The following CBFA2T3 variants were observed in gnomAD, a reference collection of about 807,000 sequenced individuals.
CBFA2T3 encodes CBFA2/RUNX1 partner transcriptional co-repressor 3, also known as transcriptional corepressor CBFA2T3.
Under a neutral mutation model 58.6 loss-of-function variants are expected in CBFA2T3, and 31 were observed. The observed-to-expected ratio is 0.53, with a 90% CI of 0.40 to 0.71. The LOEUF (loss-of-function observed/expected upper bound fraction) is 0.71, where lower values mean the gene tolerates loss of function less well. Among genes scored for constraint, CBFA2T3 ranks in the 30% least tolerant of loss-of-function variants. The pLI, the probability that CBFA2T3 is intolerant of heterozygous loss-of-function variation, is 0.00. For synonymous variants in CBFA2T3, 531 were observed against 421.9 expected, an observed-to-expected ratio of 1.26 and a Z score of -3.17; for missense variants, 1,076 against 963.1, an observed-to-expected ratio of 1.12 and a Z score of -1.55.
In CBFA2T3 at chr16:88,881,382, G is replaced by A; in HGVS notation, c.1311C>T (p.Arg437=). The A allele has an allele frequency of 1.3e-6, 2 of 1,596,464 alleles. No homozygotes were observed. The highest frequency in any genetic ancestry group is 1.7e-6 in the Non-Finnish European group (2 of 1,173,320). ...TCTTTGTGTCCTCGGCGTCGCTGTA[G>A]CGCCGCGCCCAGTGGTTGAGCTCCT... The part of the protein sequence containing the change: ...DREELNHWAR[R]YSDAEDTKKG... Residue 437 remains arginine (R), a synonymous_variant, in exon 9 of 12, where the codon CGC becomes CGT. Transcript: ENST00000268679.
At chr16:88,966,820 A>T (rs983786485) in intron 1 of CBFA2T3, among the ~76,000 whole-genome samples, 2 of 152,154 alleles carry the variant, frequency 1.3e-5, no homozygotes, top group Non-Finnish European at 2.9e-5. Flanking sequence ...TGGAAGTCGG[A>T]TGCAGCACGC....
intron 4 of CBFA2T3, 79 bp downstream of exon 4, chr16:88,892,165 G>A: frequency 2.0e-6 from 3 of 1,522,228 alleles, no homozygotes; most frequent in African/African-American, 1.4e-5. Flanking sequence ...GCCCATGTAA[G>A]GAGTGGCCGT....
chr16:88,968,756 C>A (rs1044649796), intron 1 of CBFA2T3, among the ~76,000 whole-genome samples: 1 of 152,146 alleles, frequency 6.6e-6, no homozygotes, highest in Admixed American at 6.5e-5. Context: ...CAGTTTGCAC[C>A]GAGCCCCTCC....
chr16:88,890,943 G>A (rs1046382703), intron 5 of CBFA2T3, among the ~76,000 whole-genome samples: 1 of 152,092 alleles, frequency 6.6e-6, no homozygotes, highest in African/African-American at 2.4e-5. Flanking sequence ...TGAACTCCTG[G>A]CCTCAAGCAA....
At chr16:88,923,387 T>C (rs1291189821) in intron 1 of CBFA2T3, among the ~76,000 whole-genome samples, 1 of 152,152 alleles carries the variant, frequency 6.6e-6, no homozygotes, top group Non-Finnish European at 1.5e-5. Context: ...TGCCTTGAGG[T>C]TTCCTGAGCT....
At chr16:88,907,267 G>T (rs1970370191) in intron 1 of CBFA2T3, among the ~76,000 whole-genome samples, 1 of 152,160 alleles carries the variant, frequency 6.6e-6, no homozygotes, top group African/African-American at 2.4e-5. Flanking sequence ...GCACAAGGGG[G>T]TCCCTGGGGC....
intron 1 of CBFA2T3, among the ~76,000 whole-genome samples, chr16:88,944,671 G>A (rs553515395): frequency 9.8e-5 from 15 of 152,318 alleles, no homozygotes; most frequent in African/African-American, 3.4e-4. Context: ...ACCCAACAGT[G>A]CCCAGCTCAA....
intron 1 of CBFA2T3, among the ~76,000 whole-genome samples, chr16:88,967,118 C>T (rs1004988701): frequency 1.1e-5 from 1 of 89,458 alleles, no homozygotes; most frequent in African/African-American, 3.5e-5. Flanking sequence ...CAACCCCCAA[C>T]CCCCGAGGTG....
intron 1 of CBFA2T3, among the ~76,000 whole-genome samples, chr16:88,974,966 G>T (rs1054286139): frequency 1.3e-5 from 2 of 152,174 alleles, no homozygotes; most frequent in African/African-American, 4.8e-5. Context: ...CCTGGAATAG[G>T]GCCGGGTGGT....
intron 1 of CBFA2T3, among the ~76,000 whole-genome samples, chr16:88,952,144 A>C (rs1223689833): frequency 6.6e-6 from 1 of 151,994 alleles, no homozygotes; most frequent in Non-Finnish European, 1.5e-5. Context: ...GCTCGCTACT[A>C]TGCAGAGACA....
At chr16:88,951,436 C>A (rs1186472414) in intron 1 of CBFA2T3, 1 of 417,196 alleles carries the variant, frequency 2.4e-6, no homozygotes, top group Non-Finnish European at 4.9e-6. Context: ...TTTTCACCTT[C>A]TTTTCTGTTA....
chr16:88,932,902 G>A (rs59099440), intron 1 of CBFA2T3, among the ~76,000 whole-genome samples: 1 of 150,892 alleles, frequency 6.6e-6, no homozygotes, highest in Non-Finnish European at 1.5e-5. Flanking sequence ...CCGGGAAGCA[G>A]AGGTTGCTGT....
chr16:88,973,814 C>T (rs1972717330), intron 1 of CBFA2T3, among the ~76,000 whole-genome samples: 2 of 149,796 alleles, frequency 1.3e-5, no homozygotes, highest in South Asian at 4.1e-4. Flanking sequence ...AGGTGGGCTC[C>T]AGCCAGGGCT....
intron 1 of CBFA2T3, among the ~76,000 whole-genome samples, chr16:88,919,663 G>T (rs772929275): frequency 6.6e-6 from 1 of 152,178 alleles, no homozygotes; most frequent in Non-Finnish European, 1.5e-5. Context: ...CAGCCTCTCC[G>T]CGGAGTCCCC....
intron 1 of CBFA2T3, among the ~76,000 whole-genome samples, chr16:88,976,318 C>A (rs1030160996): frequency 1.3e-5 from 2 of 151,996 alleles, no homozygotes; most frequent in African/African-American, 4.8e-5. Context: ...CTTTCTAGGA[C>A]CCCCCCATCA....
chr16:88,887,858 TG>T (rs1969444190), intron 5 of CBFA2T3, among the ~76,000 whole-genome samples: 1 of 152,136 alleles, frequency 6.6e-6, no homozygotes, highest in South Asian at 2.1e-4. Context: ...GCGCTCAGGC[TG>T]GGGAACTGGT....
In CBFA2T3 at chr16:88,885,435, C is replaced by T. The variant is rs114962039; in HGVS notation, c.894-166G>A. Among the ~76,000 whole-genome samples the T allele has an allele frequency of 0.012, 1,801 of 152,166 alleles. 33 individuals carry two copies. The highest frequency in any genetic ancestry group is 0.041 in the African/African-American group (1,699 of 41,478). ...ACCAGCCCCGGGAAGCCCAGCCCGG[C>T]GCCCCCACTCTCTGCCCCTCTGCCG... On this transcript the variant is annotated intron_variant, in intron 6 of 11. Coordinates refer to ENST00000268679, the MANE Select transcript of CBFA2T3 (RefSeq NM_005187.6). The surrounding 1 kb of genome is among the most constrained non-coding windows in gnomAD (Gnocchi z 5.3).
At chr16:88,883,377 C>A (rs561027840) in intron 7 of CBFA2T3, 19 of 156,618 alleles carry the variant, frequency 1.2e-4, no homozygotes, top group Middle Eastern at 3.1e-3. Flanking sequence ...CCTGTCTCTG[C>A]CTGTGAACAC....
intron 5 of CBFA2T3, among the ~76,000 whole-genome samples, chr16:88,889,444 T>C (rs968947803): frequency 6.7e-6 from 1 of 149,774 alleles, no homozygotes; most frequent in African/African-American, 2.5e-5. Context: ...GAGGTGGGTG[T>C]GATGTGGGGT....
Sources: allele counts gnomAD v4.1 joint callset (sites outside exome capture counted in the v4.1 genomes callset), GRCh38; gene constraint gnomAD v4.1.1; non-coding constraint Gnocchi (gnomAD v3.1); transcripts MANE v1.5; gene names NCBI Gene and HGNC (gene_info 2026-07-23, HGNC 2026-07-21).